Variants in BCAR1 observed in about 807,000 individuals in gnomAD.
BCAR1 encodes the protein BCAR1 scaffold protein, Cas family member, also known as breast cancer anti-estrogen resistance protein 1.
Under a neutral mutation model 67.6 loss-of-function variants are expected in BCAR1, and 30 were observed. That is an observed-to-expected ratio of 0.44 (90% CI 0.33 to 0.60). The LOEUF is 0.60. BCAR1 is among the 20% of genes least tolerant of loss of function. BCAR1 has a pLI of 0.02. For missense variants in BCAR1, 1,313 were observed against 1,222.3 expected (o/e 1.07, Z -1.11); for synonymous variants, 626 against 556.7 (o/e 1.12, Z -1.75).
At chr16:75,241,494 C>T (rs2077339569) in intron 2 of BCAR1, among the ~76,000 whole-genome samples, 2 of 152,256 alleles carry the variant, frequency 1.3e-5, no homozygotes, top group South Asian at 4.1e-4. Context: ...TTGCTAAAGC[C>T]AGTTTGGGAG....
At chr16:75,238,832 G>A in intron 2 of BCAR1, 3 of 985,430 alleles carry the variant, frequency 3.0e-6, no homozygotes, top group Non-Finnish European at 3.6e-6. Flanking sequence ...GAGGGACGTG[G>A]CAGGTTGGCT....
chr16:75,254,641 C>G (rs140446855), upstream of BCAR1, among the ~76,000 whole-genome samples: 24 of 152,324 alleles, frequency 1.6e-4, no homozygotes, highest in African/African-American at 5.3e-4. Context: ...TAAGGAGGAG[C>G]TGGGAGAGGT....
intron 1 of BCAR1, chr16:75,265,677 G>C (rs1324796510): frequency 2.2e-6 from 2 of 899,722 alleles, no homozygotes; most frequent in African/African-American, 1.8e-5. Flanking sequence ...TCCCCCAGCC[G>C]GTGCGCTCTC....
In BCAR1 at chr16:75,229,544, G is replaced by T; in HGVS notation, c.2580C>A (p.Phe860Leu). 6 of 1,599,870 alleles carry T rather than the reference G, an allele frequency of 3.8e-6. No individual in the cohort carries two copies. The highest frequency in any genetic ancestry group is 5.1e-6 in the Non-Finnish European group (6 of 1,173,870). The part of the protein sequence containing the change: ...VKELGHSTQQ[F>L]RRVLGQLAAA Reference sequence around the variant, plus strand: ...CTGCCAGCTGGCCTAGGACGCGGCGGAACTGCTGGGTGCTGTGGCCCAGCT... The same window carrying T: ...CTGCCAGCTGGCCTAGGACGCGGCGTAACTGCTGGGTGCTGTGGCCCAGCT... The change falls in exon 7 of 7, where the codon TTC becomes TTA. Residue 860 changes from phenylalanine (F) to leucine (L), a missense_variant. By Grantham distance (22) the Phe-to-Leu change is conservative (BLOSUM62 0). Around this residue, in one of 2 missense-constraint regions of BCAR1, gnomAD observed 1,272 missense variants for 1,137.5 expected, o/e 1.12. Transcript: ENST00000162330.
chr16:75,250,046 G>A (rs991224563), intron 1 of BCAR1: 1 of 152,460 alleles, frequency 6.6e-6, no homozygotes, highest in Non-Finnish European at 1.5e-5. Context: ...TAGTGGCACT[G>A]TCCTTATTTC....
At position 75,233,835 on chromosome 16, in the gene BCAR1, C is replaced by T. The variant is rs747802278; in HGVS notation, c.2100+11G>A. On this transcript the variant is annotated intron_variant, in intron 6 of 6. Transcript: ENST00000162330. ...GGCAAAGCTGGGCCTTGCTCTGCTC[C>T]GGGGCCTCACCTGCTGCAACTCCAG... is the stretch of plus-strand genomic sequence containing the variant. 2.3e-5 allele frequency: 36 copies of T among 1,593,856 alleles called. No individual in the cohort carries two copies. Among genetic ancestry groups the T allele is most frequent in the East Asian group, 6.8e-5 (3 of 44,082 alleles).
intron 1 of BCAR1, chr16:75,263,594 C>G: frequency 1.0e-6 from 1 of 985,486 alleles, no homozygotes; most frequent in Non-Finnish European, 1.2e-6. Context: ...TCCCCCAACA[C>G]TCAGGGGGTC....
At chr16:75,230,642 G>A (rs1387792114) in intron 6 of BCAR1, among the ~76,000 whole-genome samples, 1 of 152,108 alleles carries the variant, frequency 6.6e-6, no homozygotes, top group African/African-American at 2.4e-5. Flanking sequence ...CAGCTGAAGG[G>A]GACAATGTGT....
At chr16:75,240,204 C>G (rs1234002175) in intron 2 of BCAR1, among the ~76,000 whole-genome samples, 1 of 152,218 alleles carries the variant, frequency 6.6e-6, no homozygotes, top group South Asian at 2.1e-4. Flanking sequence ...AGTGTCCCTC[C>G]CGCCCACGTG....
At chr16:75,254,974 A>C (rs925918217), upstream of BCAR1, among the ~76,000 whole-genome samples, 3 of 152,242 alleles carry the variant, frequency 2.0e-5, no homozygotes, top group Admixed American at 2.0e-4. Flanking sequence ...CCCACTGCAC[A>C]GAACTTTTCT....
intron 1 of BCAR1, among the ~76,000 whole-genome samples, chr16:75,243,670 T>C (rs2077427135): frequency 6.6e-6 from 1 of 152,214 alleles, no homozygotes; most frequent in South Asian, 2.1e-4. Flanking sequence ...CTCCCTGTCC[T>C]GGCCCCGTCG....
chr16:75,257,793 C>T (rs188326937), intron 1 of BCAR1, among the ~76,000 whole-genome samples: 1 of 152,194 alleles, frequency 6.6e-6, no homozygotes, highest in African/African-American at 2.4e-5. Context: ...TGGACAGCAT[C>T]GTGGGGCTAG....
intron 6 of BCAR1, among the ~76,000 whole-genome samples, chr16:75,231,014 C>A (rs2076881791): frequency 6.7e-6 from 1 of 149,698 alleles, no homozygotes; most frequent in Non-Finnish European, 1.5e-5. Flanking sequence ...AGAGCACAGG[C>A]AACAAGCTTT....
Position 75,242,619 on chromosome 16 carries a change from T to G in BCAR1, c.484A>C (p.Thr162Pro). The change falls in exon 2 of 7, where the codon ACA (threonine) becomes CCA (proline). Residue 162 changes from threonine to proline, a missense_variant. Around this residue, in one of 2 missense-constraint regions of BCAR1, gnomAD observed 1,272 missense variants for 1,137.5 expected, o/e 1.12. Transcript: ENST00000162330. Reference protein sequence around the residue: ...TPHHPFPSPATDLYQVPPGPG... With the variant: ...TPHHPFPSPAPDLYQVPPGPG... ...CCTGGGGGCACCTGGTACAGGTCTG[T>G]GGCCGGGCTGGGAAACGGGTGATGG... 1 of 1,513,166 alleles carries G rather than the reference T, an allele frequency of 6.6e-7. No individual in the cohort carries two copies. Among genetic ancestry groups the G allele is most frequent in the Non-Finnish European group, 8.8e-7 (1 of 1,131,452 alleles). 93.7% of individuals were successfully genotyped at this position (1,513,166 alleles called of 1,614,324 possible). A position where few individuals can be genotyped will look rare whatever the true frequency, so the allele number is the denominator to read the frequency against.
chr16:75,232,226 T>G (rs1357064920), intron 6 of BCAR1, among the ~76,000 whole-genome samples: 1 of 151,874 alleles, frequency 6.6e-6, no homozygotes, highest in Non-Finnish European at 1.5e-5. Context: ...AGTGGCGCAA[T>G]CTCGGCTCAC....
chr16:75,267,944 T>TG lies in BCAR1; in HGVS notation c.36dup (p.Arg13GlnfsTer19). On this transcript the variant is annotated frameshift_variant, in exon 1 of 7. Coordinates refer to the BCAR1 transcript ENST00000393422. LOFTEE classifies it high-confidence loss of function. ...AGGCAGGGATCCTTGGGTGTGGGCC[T>TG]GGGGGCAGCCAGAGGAGCCTCACCA... 2 of 1,603,688 alleles carry TG rather than the reference T, an allele frequency of 1.2e-6. No individual in the cohort carries two copies. Among genetic ancestry groups the TG allele is most frequent in the Non-Finnish European group, 1.7e-6 (2 of 1,176,630 alleles).
At position 75,267,049 on chromosome 16, in the gene BCAR1, C is replaced by T. The variant is rs183277842; in HGVS notation, c.66+866G>A. ...CAGAGCCAGGCAGCAGGCTGACTTC[C>T]CCCAGCTCCCAAAAGCCCCCAGTAG... is the stretch of plus-strand genomic sequence containing the variant. On this transcript the variant is annotated intron_variant, in intron 1 of 6. Transcript: ENST00000393422. Among the ~76,000 whole-genome samples the T allele has an allele frequency of 1.7e-3, 257 of 152,310 alleles. 1 individual carries two copies. Among genetic ancestry groups the T allele is most frequent in the Middle Eastern group, 0.01 (3 of 294 alleles).
In BCAR1 at chr16:75,235,967, G is replaced by A. The variant is rs375117028; in HGVS notation, c.932C>T (p.Ser311Leu). 68 of 1,574,706 alleles carry A rather than the reference G, an allele frequency of 4.3e-5. No homozygotes were observed. Among genetic ancestry groups the A allele is most frequent in the Non-Finnish European group, 5.5e-5 (64 of 1,159,586 alleles). ...NHHAVYDVPP[S>L]VSKDVPDGPL... ...GCCATCGGGCACATCCTTGCTCACC[G>A]ATGGAGGAACGTCGTAGACCTGGGG... is the stretch of plus-strand genomic sequence containing the variant. The change falls in exon 5 of 7, where the codon TCG (serine) becomes TTG (leucine). Residue 311 changes from serine to leucine, a missense_variant. By Grantham distance (145) the Ser-to-Leu change is moderately radical. Transcript: ENST00000162330.
At chr16:75,252,291 C>A, upstream of BCAR1, 1 of 1,536,688 alleles carries the variant, frequency 6.5e-7, no homozygotes. Flanking sequence ...AGCTGATCTG[C>A]CTCCTCTCAT....
Sources: allele counts gnomAD v4.1 joint callset (sites outside exome capture counted in the v4.1 genomes callset), GRCh38; gene constraint gnomAD v4.1.1; regional missense constraint gnomAD v4.1.1; transcripts MANE v1.5; gene names NCBI Gene and HGNC (gene_info 2026-07-23, HGNC 2026-07-21).